The following CCDC187 variants were observed in gnomAD, a reference collection of about 807,000 sequenced individuals.
CCDC187 encodes coiled-coil domain-containing protein 187.
A neutral mutation model predicts 38.0 loss-of-function variants in CCDC187; 32 were observed. The observed-to-expected ratio is 0.84, with a 90% CI of 0.64 to 1.13. CCDC187 has a LOEUF of 1.13. Ranked by LOEUF, CCDC187 falls within the 50% of genes most tolerant of loss-of-function variation. The pLI is 0.00. For missense variants in CCDC187, 707 were observed against 786.8 expected (o/e 0.90, Z 1.21); for synonymous variants, 333 against 347.9 (o/e 0.96, Z 0.48).
At chr9:136,267,608 T>C in intron 15 of CCDC187, 97 bp from the exon 16 acceptor site, 2 of 985,542 alleles carry the variant, frequency 2.0e-6, no homozygotes. Flanking sequence ...ACCGCCTAGC[T>C]TCTAGACCGC....
At chr9:136,299,361 C>T (rs1831616686) in intron 3 of CCDC187, among the ~76,000 whole-genome samples, 1 of 152,162 alleles carries the variant, frequency 6.6e-6, no homozygotes, top group Admixed American at 6.5e-5. Flanking sequence ...CCGACCTGGA[C>T]CCACCCGGCC....
intron 6 of CCDC187, 30 bp downstream of exon 6, chr9:136,290,456 G>C (rs975821958): frequency 7.5e-6 from 3 of 398,084 alleles, no homozygotes; most frequent in Non-Finnish European, 8.9e-6. Flanking sequence ...TGGCTGAGCC[G>C]AGTCCCCCCA....
At chr9:136,294,494 G>A (rs1831487216) in intron 4 of CCDC187, among the ~76,000 whole-genome samples, 1 of 152,204 alleles carries the variant, frequency 6.6e-6, no homozygotes, top group Non-Finnish European at 1.5e-5. Context: ...TCTCAGCCAG[G>A]GCTGGCCCTG....
chr9:136,270,532 A>G (rs1830823137), intron 14 of CCDC187, among the ~76,000 whole-genome samples: 1 of 152,212 alleles, frequency 6.6e-6, no homozygotes, highest in Non-Finnish European at 1.5e-5. Flanking sequence ...ATCTACTACG[A>G]ACTTTAAAGA....
intron 16 of CCDC187, 57 bp from the exon 17 acceptor site, chr9:136,266,100 G>T: frequency 1.1e-6 from 1 of 939,200 alleles, no homozygotes; most frequent in Non-Finnish European, 1.3e-6. Context: ...AGTGGATATA[G>T]AAAGTCACAG....
At chr9:136,287,121 G>A (rs945304794) in intron 7 of CCDC187, among the ~76,000 whole-genome samples, 16 of 152,194 alleles carry the variant, frequency 1.1e-4, no homozygotes, top group Admixed American at 8.5e-4. Flanking sequence ...AGTGTCCATC[G>A]AGGGACGAAC....
At position 136,263,087 on chromosome 9, in the gene CCDC187, C is replaced by T. The variant is rs1564308357; in HGVS notation, c.3912+535G>A. Among the ~76,000 whole-genome samples the T allele has an allele frequency of 3.3e-5, 5 of 152,070 alleles. No individual in the cohort carries two copies. In the South Asian group the frequency reaches 1.0e-3, roughly 32 times the overall value. On this transcript the variant is annotated intron_variant, in intron 18 of 25. Coordinates refer to ENST00000638797, the MANE Select transcript of CCDC187 (RefSeq NM_001378188.1). ...CTGCTTATCCTCCCCACCCAATCCA[C>T]CGCTGCCCCCACCTGAAGTCTGGCT...
chr9:136,284,716 G>A (rs914514475), intron 9 of CCDC187, among the ~76,000 whole-genome samples: 1 of 149,570 alleles, frequency 6.7e-6, no homozygotes, highest in Admixed American at 6.6e-5. Context: ...GATTTTTGGT[G>A]GGGGGCAGGT....
At position 136,303,969 on chromosome 9, in the gene CCDC187, G is replaced by C. The variant is rs975401702; in HGVS notation, c.-139C>G. On this transcript the variant is annotated 5_prime_UTR_variant, in exon 1 of 26. Coordinates refer to ENST00000638797, the MANE Select transcript of CCDC187 (RefSeq NM_001378188.1). ...CCCGGGATGGGCTGGCCACTGCCTGGCTCCGGATGCCCGCCTGCGCCGGTC... is the reference window on the plus strand; with the variant it reads ...CCCGGGATGGGCTGGCCACTGCCTGCCTCCGGATGCCCGCCTGCGCCGGTC... 4 of 152,388 alleles carry C rather than the reference G, an allele frequency of 2.6e-5. No homozygotes were observed. The highest frequency in any genetic ancestry group is 4.4e-5 in the Non-Finnish European group (3 of 68,182). The allele number at this position is 152,388 out of a possible 1,614,324, so 9.4% of individuals were successfully genotyped here.
chr9:136,304,455 G>A (rs973276394), upstream of CCDC187, among the ~76,000 whole-genome samples: 4,541 of 152,296 alleles, frequency 0.03, 175 homozygotes, highest in East Asian at 0.14. Context: ...CAGGGGAAGG[G>A]GCGCTGGCTT....
chr9:136,299,179 G>A lies in CCDC187; in HGVS notation c.724+1041C>T, dbSNP rs1831609941. Reference sequence around the variant, plus strand: ...GCTCAGGCGGAACCGGATCTGGATGGACAGGAGTTCCCCGGCAACTGTGGG... The same window carrying A: ...GCTCAGGCGGAACCGGATCTGGATGAACAGGAGTTCCCCGGCAACTGTGGG... On this transcript the variant is annotated intron_variant, in intron 3 of 25. Transcript: ENST00000638797. Among the ~76,000 whole-genome samples the A allele has an allele frequency of 2.6e-5, 4 of 152,170 alleles. 1 individual carries two copies. The South Asian group carries it at 8.3e-4, about 31-fold the overall frequency.
Position 136,264,010 on chromosome 9 carries a change from CG to C in CCDC187, c.3736-213del, listed in dbSNP as rs1310217334. The C allele has an allele frequency of 5.9e-6, 1 of 170,264 alleles. No individual in the cohort carries two copies. The highest frequency in any genetic ancestry group is 1.2e-5 in the Non-Finnish European group (1 of 84,672). The allele number at this position is 170,264 out of a possible 1,614,324, so 10.5% of individuals were successfully genotyped here. Reference sequence around the variant, plus strand: ...CTGGGCTTGGTGGAGGAGGCAGCTGCGGGCGGCAGGAGGGAGGCAGGTACTC... The same window carrying C: ...CTGGGCTTGGTGGAGGAGGCAGCTGCGGCGGCAGGAGGGAGGCAGGTACTC... On this transcript the variant is annotated intron_variant, in intron 17 of 25. Coordinates refer to ENST00000638797, the MANE Select transcript of CCDC187 (RefSeq NM_001378188.1). This position sits in a 1 kb window ranked among gnomAD's most constrained non-coding sequence, Gnocchi z 4.3.
At chr9:136,255,482 C>T (rs1224114627) in intron 25 of CCDC187, among the ~76,000 whole-genome samples, 175 bp downstream of exon 25, 1 of 152,232 alleles carries the variant, frequency 6.6e-6, no homozygotes, top group African/African-American at 2.4e-5. Flanking sequence ...CCGTCACTCA[C>T]CTCCCCTGGC....
intron 4 of CCDC187, among the ~76,000 whole-genome samples, chr9:136,297,064 G>A (rs1028987851): frequency 1.2e-4 from 19 of 152,102 alleles, no homozygotes; most frequent in Admixed American, 2.6e-4. Flanking sequence ...CGGCTCCCTC[G>A]GCCAAGCGTG....
intron 10 of CCDC187, among the ~76,000 whole-genome samples, chr9:136,279,929 G>A (rs1831006646): frequency 1.3e-5 from 2 of 152,166 alleles, no homozygotes; most frequent in Admixed American, 6.6e-5. Context: ...TCTCCTTCTC[G>A]CCCTCCTGCC....
chr9:136,273,979 A>G (rs1247995401), intron 14 of CCDC187, among the ~76,000 whole-genome samples: 1 of 152,216 alleles, frequency 6.6e-6, no homozygotes, highest in African/African-American at 2.4e-5. Context: ...GTTTGCTGAC[A>G]CACATCACAC....
intron 7 of CCDC187, among the ~76,000 whole-genome samples, chr9:136,289,540 A>G (rs1282179960): frequency 6.6e-6 from 1 of 150,692 alleles, no homozygotes; most frequent in African/African-American, 2.4e-5. Flanking sequence ...AAAAAAAAAA[A>G]AAGAATAGGC....
Position 136,259,393 on chromosome 9 carries a change from C to A in CCDC187, c.4266G>T (p.Pro1422=), listed in dbSNP as rs528010594. 1.1e-5 allele frequency: 11 copies of A among 984,804 alleles called. No homozygotes were observed. Among genetic ancestry groups the A allele is most frequent in the African/African-American group, 5.3e-5 (3 of 56,930 alleles). The allele number at this position is 984,804 out of a possible 1,614,324, so 61.0% of individuals were successfully genotyped here. A position where few individuals can be genotyped will look rare whatever the true frequency, so the allele number is the denominator to read the frequency against. The change falls in exon 21 of 26, where the codon CCG becomes CCT. Residue 1422 remains proline (P), a synonymous_variant. Coordinates refer to ENST00000638797, the MANE Select transcript of CCDC187 (RefSeq NM_001378188.1). ...PLLGLQHVSP[P]DGQRLGPAFP... is the part of the protein sequence containing the mutation. ...AGGCTGGGCCCAGCCGCTGTCCGTC[C>A]GGGGGGCTCACGTGCTGCAGGCCCA...
rs1830635530 is a variant in CCDC187 at position 136,258,064 on chromosome 9, A to T, written c.4366+868T>A. Reference sequence around the variant, plus strand: ...GGTACACGTGGCCATGCGGCGAGGGAGGCTTCAGGCTGAGCAAGCTTCACG... The same window carrying T: ...GGTACACGTGGCCATGCGGCGAGGGTGGCTTCAGGCTGAGCAAGCTTCACG... On this transcript the variant is annotated intron_variant, in intron 22 of 25. Transcript: ENST00000638797. This position sits in a 1 kb window ranked among gnomAD's most constrained non-coding sequence, Gnocchi z 4.3. Among the ~76,000 whole-genome samples the T allele has an allele frequency of 6.6e-6, 1 of 152,024 alleles. No individual in the cohort carries two copies. The highest frequency in any genetic ancestry group is 1.5e-5 in the Non-Finnish European group (1 of 67,972).
Sources: allele counts gnomAD v4.1 joint callset (sites outside exome capture counted in the v4.1 genomes callset), GRCh38; gene constraint gnomAD v4.1.1; non-coding constraint Gnocchi (gnomAD v3.1); transcripts MANE v1.5; gene names NCBI Gene and HGNC (gene_info 2026-07-23, HGNC 2026-07-21).